The following NEURL1B variants were observed in gnomAD, a reference collection of about 807,000 sequenced individuals.
NEURL1B encodes neuralized E3 ubiquitin protein ligase 1B.
Under a neutral mutation model 37.4 loss-of-function variants are expected in NEURL1B, and 13 were observed. The observed-to-expected ratio is 0.35, with a 90% CI of 0.23 to 0.55. The LOEUF (loss-of-function observed/expected upper bound fraction) is 0.55, where lower values mean the gene tolerates loss of function less well. Among genes scored for constraint, NEURL1B ranks in the 20% least tolerant of loss-of-function variants. The probability of loss-of-function intolerance (pLI) is 0.89; values close to 1 mark genes in which losing one functional copy is unlikely to be tolerated. For missense variants in NEURL1B, 790 were observed against 879.2 expected (o/e 0.90, Z 1.28); for synonymous variants, 432 against 426.6 (o/e 1.01, Z -0.16).
At chr5:172,666,098 T>C (rs1268665927) in intron 1 of NEURL1B, among the ~76,000 whole-genome samples, 3 of 152,000 alleles carry the variant, frequency 2.0e-5, no homozygotes, top group Non-Finnish European at 4.4e-5. Context: ...ACCTTAGGGG[T>C]CTATGGCTCA....
At chr5:172,656,714 G>C in intron 1 of NEURL1B, 1 of 1,187,802 alleles carries the variant, frequency 8.4e-7, no homozygotes, top group Non-Finnish European at 1.2e-6. Context: ...GGCCGGACAT[G>C]GCGCCTGCCG....
At position 172,689,399 on chromosome 5, in the gene NEURL1B, T is replaced by C. The variant is rs1482763840; in HGVS notation, c.*2474T>C. The C allele has an allele frequency of 6.6e-6, 1 of 152,202 alleles. No homozygotes were observed. The highest frequency in any genetic ancestry group is 2.4e-5 in the African/African-American group (1 of 41,448). The allele number at this position is 152,202 out of a possible 1,614,324, so 9.4% of individuals were successfully genotyped here. On this transcript the variant is annotated 3_prime_UTR_variant, in exon 5 of 5. Coordinates refer to ENST00000369800, the MANE Select transcript of NEURL1B (RefSeq NM_001142651.3). The stretch of plus-strand genomic sequence containing the variant: ...CGTGAATCCTGTGCGGCAGGTCTTA[T>C]TGCCATAATAAGTCACATCAAAGAC...
chr5:172,681,579 G>A (rs1232489481), intron 2 of NEURL1B, among the ~76,000 whole-genome samples: 1 of 152,222 alleles, frequency 6.6e-6, no homozygotes, highest in Non-Finnish European at 1.5e-5. Flanking sequence ...CATCAAGAGA[G>A]ATCAAACCAC....
rs1201215734 is a variant in NEURL1B at position 172,661,445 on chromosome 5, G to C, written c.32-8340G>C. The stretch of plus-strand genomic sequence containing the variant: ...AGTTATGGCAGCTGCCTTGAAGAAG[G>C]GGTGGGGTGGAAGAAAGGGCATGAG... On this transcript the variant is annotated intron_variant, in intron 1 of 4. Transcript: ENST00000369800. The surrounding 1 kb of genome is among the most constrained non-coding windows in gnomAD (Gnocchi z 4.0). 1.3e-5 allele frequency among the ~76,000 whole-genome samples: 2 copies of C among 152,226 alleles called. No homozygotes were observed. Among genetic ancestry groups the C allele is most frequent in the African/African-American group, 4.8e-5 (2 of 41,452 alleles).
rs61746614 is a variant in NEURL1B, at chr5:172,670,230, C to T, written c.477C>T (p.Asn159=). Residue 159 remains asparagine (N), a synonymous_variant, in exon 2 of 5, where the codon AAC becomes AAT. Coordinates refer to ENST00000369800, the MANE Select transcript of NEURL1B (RefSeq NM_001142651.3). The part of the protein sequence containing the change: ...DRHGRVFYSV[N]DGEPVLFHCG... ...ACGGCCGCGTGTTCTACAGCGTGAA[C>T]GACGGCGAGCCGGTGCTCTTCCACT... The T allele has an allele frequency of 1.4e-3, 1,918 of 1,415,358 alleles. 19 individuals carry two copies. The African/African-American group carries it at 0.023, about 17-fold the overall frequency. 87.7% of individuals were successfully genotyped at this position (1,415,358 alleles called of 1,614,324 possible).
Position 172,686,706 on chromosome 5 carries a change from C to A in NEURL1B, c.1449C>A (p.Ser483Arg), listed in dbSNP as rs945599937. ...SLVTAPSSPL[S>R]PPVSPVFSPP... ...TGACGGCCCCCAGCTCCCCGCTGAG[C>A]CCCCCGGTGTCCCCCGTGTTCTCCC... The change falls in exon 5 of 5, where the codon AGC becomes AGA. Residue 483 changes from serine to arginine, a missense_variant. Around this residue, in one of 3 missense-constraint regions of NEURL1B, gnomAD observed 115 missense variants for 162.6 expected, o/e 0.71. Coordinates refer to ENST00000369800, the MANE Select transcript of NEURL1B (RefSeq NM_001142651.3). The surrounding 1 kb of genome is among the most constrained non-coding windows in gnomAD (Gnocchi z 7.9). 6.5e-7 allele frequency: 1 copy of A among 1,550,128 alleles called. No individual in the cohort carries two copies. Among genetic ancestry groups the A allele is most frequent in the East Asian group, 2.4e-5 (1 of 40,864 alleles).
In NEURL1B at chr5:172,678,101, G is replaced by A. The variant is rs537240810; in HGVS notation, c.578-5318G>A. Among the ~76,000 whole-genome samples the A allele has an allele frequency of 8.5e-5, 13 of 152,074 alleles. No homozygotes were observed. In the East Asian group the frequency reaches 1.7e-3, roughly 20 times the overall value. On this transcript the variant is annotated intron_variant, in intron 2 of 4. Coordinates refer to ENST00000369800, the MANE Select transcript of NEURL1B (RefSeq NM_001142651.3). ...GGCTCCTGGGCCTTCCCGAGCTCCC[G>A]CCGTTCCTCCTGCTTTCCTGGCCAC...
intron 1 of NEURL1B, among the ~76,000 whole-genome samples, chr5:172,663,728 C>G (rs999052422): frequency 6.6e-6 from 1 of 151,404 alleles, no homozygotes; most frequent in Non-Finnish European, 1.5e-5. Context: ...AGCACCCACC[C>G]AAGGCCAGCA....
chr5:172,660,132 T>C (rs970964860), intron 1 of NEURL1B, among the ~76,000 whole-genome samples: 2 of 152,146 alleles, frequency 1.3e-5, no homozygotes, highest in South Asian at 2.1e-4. Context: ...TGAGGGCACA[T>C]TCCCCCCACC....
At chr5:172,654,571 ATT>A (rs34546667) in intron 1 of NEURL1B, among the ~76,000 whole-genome samples, 66,834 of 137,108 alleles carry the variant, frequency 0.49, 15,747 homozygotes, top group Admixed American at 0.53. Flanking sequence ...GAGTTAAACT[ATT>A]TTTTTTTTTT....
Position 172,684,068 on chromosome 5 carries a change from C to G in NEURL1B, c.1227C>G (p.Val409=). 1 of 1,321,224 alleles carries G rather than the reference C, an allele frequency of 7.6e-7. No homozygotes were observed. Among genetic ancestry groups the G allele is most frequent in the Non-Finnish European group, 9.7e-7 (1 of 1,034,836 alleles). The allele number at this position is 1,321,224 out of a possible 1,614,324, so 81.8% of individuals were successfully genotyped here. A position where few individuals can be genotyped will look rare whatever the true frequency, so the allele number is the denominator to read the frequency against. The change falls in exon 3 of 5, where the codon GTC becomes GTG. Residue 409 remains valine, a synonymous_variant. Transcript: ENST00000369800. ...NGRPRGRLLC[V]DTTQALWAFF... ...GTCCGCGCGGCCGCCTGCTGTGCGT[C>G]GACACCACGCAGGCGCTCTGGGCCT...
At chr5:172,679,066 C>A (rs1310681808) in intron 2 of NEURL1B, among the ~76,000 whole-genome samples, 2 of 152,206 alleles carry the variant, frequency 1.3e-5, no homozygotes, top group African/African-American at 4.8e-5. Context: ...GGCAGGGAGG[C>A]GGGGACATTA....
At chr5:172,650,326 GTC>G in intron 1 of NEURL1B, among the ~76,000 whole-genome samples, 1 of 152,236 alleles carries the variant, frequency 6.6e-6, no homozygotes, top group Middle Eastern at 3.4e-3. Context: ...GAATTTCCAT[GTC>G]TCTGCAGGAA....
intron 1 of NEURL1B, among the ~76,000 whole-genome samples, chr5:172,644,511 T>C (rs1757526821): frequency 6.6e-6 from 1 of 152,202 alleles, no homozygotes; most frequent in African/African-American, 2.4e-5. Context: ...TTATGATCGA[T>C]TGCGGAAGCC....
At chr5:172,668,299 T>C (rs990975142) in intron 1 of NEURL1B, among the ~76,000 whole-genome samples, 8 of 152,206 alleles carry the variant, frequency 5.3e-5, no homozygotes, top group Non-Finnish European at 1.0e-4. Context: ...AAAGAATGAC[T>C]GAAACCCCTT....
chr5:172,682,596 T>C (rs2113329883), intron 2 of NEURL1B, among the ~76,000 whole-genome samples: 2 of 152,312 alleles, frequency 1.3e-5, no homozygotes, highest in Middle Eastern at 6.8e-3. Context: ...AAATTTCTTT[T>C]CCCTTCATTT....
Position 172,665,900 on chromosome 5 carries a change from G to C in NEURL1B, c.32-3885G>C, listed in dbSNP as rs1758002149. On this transcript the variant is annotated intron_variant, in intron 1 of 4. Coordinates refer to ENST00000369800, the MANE Select transcript of NEURL1B (RefSeq NM_001142651.3). This position sits in a 1 kb window ranked among gnomAD's most constrained non-coding sequence, Gnocchi z 4.1. ...TCGTTGGGCATTCAGCTGTGTGTCT[G>C]CTTGACCTGGAGAGACTCAGATCTC... Among the ~76,000 whole-genome samples, 1 of 152,096 alleles carries C rather than the reference G, an allele frequency of 6.6e-6. No individual in the cohort carries two copies. Among genetic ancestry groups the C allele is most frequent in the African/African-American group, 2.4e-5 (1 of 41,390 alleles).
In NEURL1B at chr5:172,689,529, G is replaced by C. The variant is rs1031065452; in HGVS notation, c.*2604G>C. The C allele has an allele frequency of 1.1e-4, 16 of 151,842 alleles. No individual in the cohort carries two copies. The highest frequency in any genetic ancestry group is 3.9e-4 in the African/African-American group (16 of 41,316). The allele number at this position is 151,842 out of a possible 1,614,324, so 9.4% of individuals were successfully genotyped here. On this transcript the variant is annotated 3_prime_UTR_variant, in exon 5 of 5. Transcript: ENST00000369800. ...GTTCCTTCCAATCAGAGATGTTCAC[G>C]TGTGAAAAAAAAACTGTGCTACTTA...
intron 1 of NEURL1B, among the ~76,000 whole-genome samples, chr5:172,669,168 T>C (rs1758072455): frequency 6.6e-6 from 1 of 151,976 alleles, no homozygotes; most frequent in Non-Finnish European, 1.5e-5. Flanking sequence ...GTGAGTGGAG[T>C]CATGTCAGGC....
Sources: gnomAD v4.1 joint callset for allele counts (sites outside exome capture counted in the v4.1 genomes callset) on GRCh38, gnomAD v4.1.1 for gene constraint, gnomAD v4.1.1 regional missense constraint, Gnocchi (gnomAD v3.1) non-coding constraint, MANE v1.5 for transcripts, NCBI Gene and HGNC (gene_info 2026-07-23, HGNC 2026-07-21) for gene names.